SLC24A4: variants seen among roughly 807,000 people sequenced by gnomAD.
The protein encoded by SLC24A4 is sodium/potassium/calcium exchanger 4.
SLC24A4 carries 53 observed loss-of-function variants against 79.0 expected under a neutral mutation model. The ratio of observed to expected loss-of-function variants is 0.67; its 90% CI spans 0.54 to 0.84. SLC24A4 has a LOEUF of 0.84. Among genes scored for constraint, SLC24A4 ranks in the 40% least tolerant of loss-of-function variants. The pLI is 0.00. For missense variants in SLC24A4, 731 were observed against 822.0 expected, an observed-to-expected ratio of 0.89 and a Z score of 1.35; for synonymous variants, 323 against 323.8, an observed-to-expected ratio of 1.00 and a Z score of 0.03.
chr14:92,474,275 C>A (rs1480946673), intron 12 of SLC24A4, among the ~76,000 whole-genome samples: 1 of 152,170 alleles, frequency 6.6e-6, no homozygotes, highest in Admixed American at 6.5e-5. Flanking sequence ...GCACTTGTAG[C>A]CTCCCATACA....
chr14:92,446,052 C>G (rs1566772754), intron 8 of SLC24A4, among the ~76,000 whole-genome samples: 2 of 152,168 alleles, frequency 1.3e-5, no homozygotes, highest in Non-Finnish European at 2.9e-5. Flanking sequence ...ACATAAATCA[C>G]AAACTTCTGA....
intron 9 of SLC24A4, among the ~76,000 whole-genome samples, chr14:92,448,443 A>G (rs1892938308): frequency 6.6e-6 from 1 of 151,352 alleles, no homozygotes; most frequent in Non-Finnish European, 1.5e-5. Flanking sequence ...GCGATACGTA[A>G]TTAAAAAGAC....
At chr14:92,370,279 G>A (rs1888080271) in intron 2 of SLC24A4, among the ~76,000 whole-genome samples, 1 of 152,194 alleles carries the variant, frequency 6.6e-6, no homozygotes, top group Non-Finnish European at 1.5e-5. Context: ...TTAGGAACAG[G>A]AGATGCCTGA....
intron 2 of SLC24A4, among the ~76,000 whole-genome samples, chr14:92,374,079 A>G (rs1229656595): frequency 6.6e-6 from 1 of 152,252 alleles, no homozygotes; most frequent in Non-Finnish European, 1.5e-5. Flanking sequence ...TACCTTGGCA[A>G]GGGAGGCCCC....
At chr14:92,346,539 T>A (rs1263183651) in intron 2 of SLC24A4, among the ~76,000 whole-genome samples, 1 of 152,214 alleles carries the variant, frequency 6.6e-6, no homozygotes, top group Admixed American at 6.5e-5. Context: ...GAGGGATAGA[T>A]CATTGTTGTA....
At chr14:92,443,350 C>G (rs971255594) in intron 6 of SLC24A4, 50 bp from the exon 7 acceptor site, 18 of 1,588,710 alleles carry the variant, frequency 1.1e-5, no homozygotes, top group Non-Finnish European at 1.6e-5. Flanking sequence ...AGCTGCACCC[C>G]CTCCCCGCTT....
chr14:92,333,281 AG>A (rs202129785), intron 2 of SLC24A4, among the ~76,000 whole-genome samples: 6,537 of 151,830 alleles, frequency 0.043, 413 homozygotes, highest in African/African-American at 0.14. Context: ...TTTAGTAGAG[AG>A]GGGGGTTTTG....
At chr14:92,431,930 A>G (rs924726107) in intron 2 of SLC24A4, among the ~76,000 whole-genome samples, 7 of 152,218 alleles carry the variant, frequency 4.6e-5, no homozygotes, top group African/African-American at 1.7e-4. Flanking sequence ...GACGAGGAAC[A>G]TCAGGTCCCA....
intron 5 of SLC24A4, among the ~76,000 whole-genome samples, 168 bp downstream of exon 5, chr14:92,442,341 G>C (rs1315614231): frequency 1.3e-5 from 2 of 152,162 alleles, no homozygotes; most frequent in African/African-American, 4.8e-5. Flanking sequence ...TGGTAGAGTA[G>C]GGTGCTGAGG....
intron 12 of SLC24A4, chr14:92,462,339 G>A (rs1451552758): frequency 6.6e-6 from 1 of 152,210 alleles, no homozygotes; most frequent in Non-Finnish European, 1.5e-5. Flanking sequence ...ACAGTAACAG[G>A]AGGTAAAACG....
In SLC24A4 at chr14:92,491,522, C is replaced by T. The variant is rs920700160; in HGVS notation, c.1538-143C>T. On this transcript the variant is annotated intron_variant, in intron 14 of 16. Coordinates refer to ENST00000532405, the MANE Select transcript of SLC24A4 (RefSeq NM_153646.4). ...CTTCAGGAAGGGCATGGATCTGAGG[C>T]CTTATGAAAAGGTTTAGAAATGTAA... 3 of 624,398 alleles carry T rather than the reference C, an allele frequency of 4.8e-6. No homozygotes were observed. In the African/African-American group the frequency reaches 5.5e-5, roughly 11 times the overall value. The allele number at this position is 624,398 out of a possible 1,614,324, so 38.7% of individuals were successfully genotyped here.
chr14:92,479,292 G>A (rs527324218), intron 12 of SLC24A4, among the ~76,000 whole-genome samples: 1 of 152,216 alleles, frequency 6.6e-6, no homozygotes, highest in Admixed American at 6.5e-5. Flanking sequence ...GGAGGGGAGG[G>A]TTGCAATAGC....
chr14:92,460,323 C>A (rs981217047), intron 12 of SLC24A4, among the ~76,000 whole-genome samples: 2 of 152,156 alleles, frequency 1.3e-5, no homozygotes, highest in Admixed American at 1.3e-4. Context: ...ATCTGAGTAG[C>A]AAATCAGATA....
intron 12 of SLC24A4, 131 bp from the exon 13 acceptor site, chr14:92,482,549 A>G: frequency 1.3e-6 from 1 of 767,870 alleles, no homozygotes; most frequent in Non-Finnish European, 2.0e-6. Flanking sequence ...CTGCAAGGTC[A>G]GTTGCCTAGA....
At chr14:92,484,961 A>G in intron 13 of SLC24A4, 1 of 858,784 alleles carries the variant, frequency 1.2e-6, no homozygotes, top group South Asian at 5.3e-5. Flanking sequence ...TGTACATTAT[A>G]CCCAATTTCA....
At chr14:92,463,537 A>G (rs1893933818) in intron 12 of SLC24A4, among the ~76,000 whole-genome samples, 1 of 152,180 alleles carries the variant, frequency 6.6e-6, no homozygotes, top group Non-Finnish European at 1.5e-5. Context: ...ACTGTCTCAT[A>G]AGTCAAGGTC....
intron 2 of SLC24A4, among the ~76,000 whole-genome samples, chr14:92,354,627 G>T (rs1887073070): frequency 6.6e-6 from 1 of 152,236 alleles, no homozygotes; most frequent in South Asian, 2.1e-4. Flanking sequence ...GAATTAATGT[G>T]CACACAAATC....
chr14:92,432,024 G>T (rs1005951274), intron 2 of SLC24A4, among the ~76,000 whole-genome samples: 2 of 152,202 alleles, frequency 1.3e-5, no homozygotes, highest in African/African-American at 4.8e-5. Flanking sequence ...GAACGTTGAT[G>T]GCTCTAGTGC....
At chr14:92,466,048 C>T (rs1251199881) in intron 12 of SLC24A4, among the ~76,000 whole-genome samples, 4 of 152,188 alleles carry the variant, frequency 2.6e-5, no homozygotes, top group East Asian at 1.9e-4. Flanking sequence ...CATCAAAACC[C>T]GCCCTGCAGG....
Sources: gnomAD v4.1 joint callset for allele counts (sites outside exome capture counted in the v4.1 genomes callset) on GRCh38, gnomAD v4.1.1 for gene constraint, MANE v1.5 for transcripts, NCBI Gene and HGNC (gene_info 2026-07-23, HGNC 2026-07-21) for gene names.